The following NDRG3 variants were observed in gnomAD, a reference collection of about 807,000 sequenced individuals.
NDRG3 encodes protein NDRG3.
Under a neutral mutation model 57.2 loss-of-function variants are expected in NDRG3, and 23 were observed. The observed-to-expected ratio is 0.40, with a 90% confidence interval of 0.29 to 0.57. The LOEUF is 0.57. NDRG3 is among the 20% of genes least tolerant of loss of function. The probability of loss-of-function intolerance (pLI) is 0.42; values close to 1 mark genes in which losing one functional copy is unlikely to be tolerated. For missense variants in NDRG3, 384 were observed against 457.3 expected (o/e 0.84, Z 1.46); for synonymous variants, 132 against 162.6 (o/e 0.81, Z 1.43).
chr20:36,734,604 T>C (rs1366837047), intron 1 of NDRG3, among the ~76,000 whole-genome samples: 1 of 152,108 alleles, frequency 6.6e-6, no homozygotes, highest in African/African-American at 2.4e-5. Flanking sequence ...GCAGTATACA[T>C]AGAAGCTTAT....
intron 2 of NDRG3, among the ~76,000 whole-genome samples, chr20:36,712,651 A>G (rs1398550620): frequency 1.6e-5 from 2 of 122,084 alleles, no homozygotes; most frequent in East Asian, 5.4e-4. Context: ...GCTGGAGTGC[A>G]GCGGCATAAT....
intron 6 of NDRG3, among the ~76,000 whole-genome samples, chr20:36,684,051 G>A (rs1981564670): frequency 6.6e-6 from 1 of 152,146 alleles, no homozygotes; most frequent in African/African-American, 2.4e-5. Context: ...CTGGAGTGCA[G>A]GGGTGGGATC....
chr20:36,743,361 G>C (rs1287117941), intron 1 of NDRG3, among the ~76,000 whole-genome samples: 1 of 152,102 alleles, frequency 6.6e-6, no homozygotes, highest in Non-Finnish European at 1.5e-5. Context: ...GGGCATGGTG[G>C]CGGGCGCCTG....
intron 3 of NDRG3, among the ~76,000 whole-genome samples, chr20:36,697,566 G>A (rs1263886291): frequency 6.6e-6 from 1 of 152,168 alleles, no homozygotes; most frequent in Non-Finnish European, 1.5e-5. Flanking sequence ...AAATTAGCCA[G>A]GCGTGGTGGC....
rs1460230371 is a variant in NDRG3, at chr20:36,726,911, TTTC to T, written c.-48-5131_-48-5129del. 2.4e-3 allele frequency among the ~76,000 whole-genome samples: 332 copies of T among 138,036 alleles called. No individual in the cohort carries two copies. In the Middle Eastern group the frequency reaches 0.026, roughly 11 times the overall value. 90.6% of individuals were successfully genotyped at this position (138,036 alleles called of 152,430 possible). On this transcript the variant is annotated intron_variant, in intron 1 of 15. Coordinates refer to ENST00000349004, the MANE Select transcript of NDRG3 (RefSeq NM_032013.4). ...CAATCCTCTCTGGTAGATATCTTTCTTTCTTTTTTTTTTTTTTTTCCTGAGACA... is the reference window on the plus strand; with the variant it reads ...CAATCCTCTCTGGTAGATATCTTTCTTTTTTTTTTTTTTTTTCCTGAGACA...
chr20:36,709,577 T>C (rs907387789), intron 2 of NDRG3, among the ~76,000 whole-genome samples: 4 of 152,222 alleles, frequency 2.6e-5, no homozygotes, highest in Non-Finnish European at 5.9e-5. Context: ...CCAAGGAATG[T>C]TGCTATTGAT....
chr20:36,709,996 T>G (rs913386964), intron 2 of NDRG3, among the ~76,000 whole-genome samples: 7 of 152,130 alleles, frequency 4.6e-5, no homozygotes, highest in African/African-American at 1.7e-4. Flanking sequence ...CTTTACAGTT[T>G]GACCTTGGCT....
chr20:36,741,634 C>T (rs1985933968), intron 1 of NDRG3, among the ~76,000 whole-genome samples: 1 of 152,148 alleles, frequency 6.6e-6, no homozygotes, highest in East Asian at 1.9e-4. Context: ...CAGAACTCTC[C>T]TATGTCAGTA....
intron 3 of NDRG3, among the ~76,000 whole-genome samples, chr20:36,692,008 G>C (rs1333398905): frequency 6.6e-6 from 1 of 152,096 alleles, no homozygotes; most frequent in Non-Finnish European, 1.5e-5. Flanking sequence ...TGTAATAATA[G>C]CTTGTGATAG....
rs1555807708 is a variant in NDRG3, at chr20:36,733,171, AATATATATATATATATATAT to A, written c.-48-11408_-48-11389del. Among the ~76,000 whole-genome samples the A allele has an allele frequency of 2.9e-3, 97 of 33,206 alleles. 10 individuals carry two copies. The highest frequency in any genetic ancestry group is 4.9e-3 in the South Asian group (4 of 814). The allele number at this position is 33,206 out of a possible 152,430, so 21.8% of individuals were successfully genotyped here. A position where few individuals can be genotyped will look rare whatever the true frequency, so the allele number is the denominator to read the frequency against. On this transcript the variant is annotated intron_variant, in intron 1 of 15. Transcript: ENST00000349004. Reference sequence around the variant, plus strand: ...CAAAAAAAAAAAAAAAAAAAAAAAAAATATATATATATATATATATATATATATATATGCACATATAAATT... The same window carrying A: ...CAAAAAAAAAAAAAAAAAAAAAAAAAATATATATATATGCACATATAAATT...
At chr20:36,728,729 T>G (rs1568669963) in intron 1 of NDRG3, among the ~76,000 whole-genome samples, 1 of 151,722 alleles carries the variant, frequency 6.6e-6, no homozygotes, top group Non-Finnish European at 1.5e-5. Flanking sequence ...TTTGTTTTTT[T>G]GGGGGGGAGG....
Position 36,714,645 on chromosome 20 carries a change from G to A in NDRG3, c.57+7034C>T, listed in dbSNP as rs1984121301. 2.0e-5 allele frequency among the ~76,000 whole-genome samples: 3 copies of A among 147,938 alleles called. No homozygotes were observed. In the South Asian group the frequency reaches 6.4e-4, roughly 32 times the overall value. On this transcript the variant is annotated intron_variant, in intron 2 of 15. Coordinates refer to ENST00000349004, the MANE Select transcript of NDRG3 (RefSeq NM_032013.4). ...GTTTGTTTTTTTGAGACGGAGTCTT[G>A]CTCTGTCGCCCAGGCTGGAGTGCAG...
At chr20:36,669,660 C>T (rs541978473) in intron 9 of NDRG3, among the ~76,000 whole-genome samples, 34 of 152,212 alleles carry the variant, frequency 2.2e-4, no homozygotes, top group South Asian at 1.2e-3. Context: ...CCATGGCGCG[C>T]GGCCGATTTT....
At chr20:36,669,565 G>C (rs1007421190) in intron 9 of NDRG3, among the ~76,000 whole-genome samples, 1 of 151,474 alleles carries the variant, frequency 6.6e-6, no homozygotes. Flanking sequence ...GGGTTTCTCC[G>C]TGTTGGTCAG....
intron 12 of NDRG3, among the ~76,000 whole-genome samples, chr20:36,661,619 A>C (rs1313448920): frequency 6.6e-6 from 1 of 152,216 alleles, no homozygotes; most frequent in African/African-American, 2.4e-5. Context: ...GCAAAGCCCC[A>C]GGGGTGGAAC....
Position 36,686,104 on chromosome 20 carries a change from G to A in NDRG3, c.320+1388C>T, listed in dbSNP as rs1381965292. 3.3e-5 allele frequency among the ~76,000 whole-genome samples: 5 copies of A among 152,166 alleles called. No homozygotes were observed. The East Asian group carries it at 9.6e-4, about 29-fold the overall frequency. On this transcript the variant is annotated intron_variant, in intron 5 of 15. Transcript: ENST00000349004. ...GCAGGATCTGTTCTACATCTGACAG[G>A]GAAGTCAGCCTGCCTCTGCCTGAAC...
At chr20:36,730,962 GA>G (rs1985251056) in intron 1 of NDRG3, among the ~76,000 whole-genome samples, 1 of 149,772 alleles carries the variant, frequency 6.7e-6, no homozygotes, top group African/African-American at 2.5e-5. Flanking sequence ...AAGAAAGAAA[GA>G]AAAAAAGTAG....
At chr20:36,703,232 C>T (rs1158190704) in intron 3 of NDRG3, among the ~76,000 whole-genome samples, 3 of 151,864 alleles carry the variant, frequency 2.0e-5, no homozygotes, top group Non-Finnish European at 4.4e-5. Flanking sequence ...ATGTATACTA[C>T]ACGTGTATAT....
chr20:36,695,782 C>T (rs971092326), intron 3 of NDRG3, among the ~76,000 whole-genome samples: 1 of 152,124 alleles, frequency 6.6e-6, no homozygotes, highest in African/African-American at 2.4e-5. Flanking sequence ...CCTTGCCCTA[C>T]CCTTGTGACC....
Sources: allele counts gnomAD v4.1 joint callset (sites outside exome capture counted in the v4.1 genomes callset), GRCh38; gene constraint gnomAD v4.1.1; transcripts MANE v1.5; gene names NCBI Gene and HGNC (gene_info 2026-07-23, HGNC 2026-07-21).